The following PRG4 variants were observed in gnomAD, a reference collection of about 807,000 sequenced individuals.
The protein encoded by PRG4 is proteoglycan 4.
PRG4 carries 61 observed loss-of-function variants against 91.2 expected under a neutral mutation model. That is an observed-to-expected ratio of 0.67 (90% CI 0.54 to 0.83). The LOEUF (loss-of-function observed/expected upper bound fraction) is 0.83, where lower values mean the gene tolerates loss of function less well. Among genes scored for constraint, PRG4 ranks in the 40% least tolerant of loss-of-function variants. The pLI, the probability that PRG4 is intolerant of heterozygous loss-of-function variation, is 0.00. For synonymous variants in PRG4, 576 were observed against 614.2 expected, an observed-to-expected ratio of 0.94 and a Z score of 0.92; for missense variants, 1,564 against 1,714.2, an observed-to-expected ratio of 0.91 and a Z score of 1.55.
chr1:186,311,408 T>C (rs764704245), intron 9 of PRG4, 32 bp from the exon 10 acceptor site: 5 of 1,601,418 alleles, frequency 3.1e-6, no homozygotes, highest in Non-Finnish European at 3.4e-6. Flanking sequence ...TTCCCAAAGC[T>C]GATAACATAA....
At position 186,308,769 on chromosome 1, in the gene PRG4, C is replaced by A; in HGVS notation, c.3050C>A (p.Thr1017Lys). 2 of 1,613,828 alleles carry A rather than the reference C, an allele frequency of 1.2e-6. No homozygotes were observed. Among genetic ancestry groups the A allele is most frequent in the Non-Finnish European group, 8.5e-7 (1 of 1,179,980 alleles). Reference protein sequence around the residue: ...PKDRATNSKATTPKPQKPTKA... With the variant: ...PKDRATNSKAKTPKPQKPTKA... The stretch of plus-strand genomic sequence containing the variant: ...GACAGAGCTACTAATTCTAAAGCGA[C>A]AACTCCTAAACCTCAAAAGCCAACC... Residue 1017 changes from threonine (T) to lysine (K), a missense_variant, in exon 7 of 13, where the codon ACA (threonine) becomes AAA (lysine). This residue lies in a region of PRG4 where 1,079 missense variants were observed against 1,162.2 expected (regional missense o/e 0.93). Coordinates refer to ENST00000445192, the MANE Select transcript of PRG4 (RefSeq NM_005807.6).
In PRG4 at chr1:186,312,224, C is replaced by T; in HGVS notation, c.3843C>T (p.Cys1281=). The T allele has an allele frequency of 6.2e-7, 1 of 1,613,944 alleles. No homozygotes were observed. The highest frequency in any genetic ancestry group is 1.1e-5 in the South Asian group (1 of 91,074). The change falls in exon 11 of 13, where the codon TGC becomes TGT. Residue 1281 remains cysteine, a synonymous_variant. Coordinates refer to ENST00000445192, the MANE Select transcript of PRG4 (RefSeq NM_005807.6). The part of the protein sequence containing the change: ...YIYKQEPVQK[C]PGRRPALNYP... ...ATAAACAGGAACCTGTACAGAAGTG[C>T]CCTGGAAGAAGGCCTGCTCTAAATT... is the stretch of plus-strand genomic sequence containing the variant.
At chr1:186,297,108 G>T (rs1007540182) in intron 2 of PRG4, among the ~76,000 whole-genome samples, 157 bp downstream of exon 2, 2 of 152,154 alleles carry the variant, frequency 1.3e-5, no homozygotes, top group African/African-American at 4.8e-5. Flanking sequence ...TAGCCTGTTT[G>T]TAAGTGCTTT....
intron 4 of PRG4, among the ~76,000 whole-genome samples, chr1:186,302,399 AG>A (rs1264388387): frequency 2.6e-5 from 4 of 152,246 alleles, no homozygotes. Context: ...TTACAGAAAA[AG>A]ATTTTAAAAA....
rs541755542 is a variant in PRG4, at chr1:186,311,110, T to G, written c.3576T>G (p.Pro1192=). The change falls in exon 9 of 13, where the codon CCT becomes CCG. Residue 1192 remains proline (P), a synonymous_variant. Coordinates refer to ENST00000445192, the MANE Select transcript of PRG4 (RefSeq NM_005807.6). ...ARRITEVWGI[P]SPIDTVFTRC... ...GAATTACTGAAGTTTGGGGTATTCC[T>G]TCCCCCATTGATACTGTTTTTACTA... 6.2e-7 allele frequency: 1 copy of G among 1,612,966 alleles called. No homozygotes were observed. The highest frequency in any genetic ancestry group is 1.3e-5 in the African/African-American group (1 of 74,900).
Position 186,301,626 on chromosome 1 carries a change from C to T in PRG4, c.234C>T (p.Phe78=). The stretch of plus-strand genomic sequence containing the variant: ...GTAAAGGCCGCTGCTTTGAGTCCTT[C>T]GAGAGAGGGAGGGAGTGTGACTGCG... ...LSCKGRCFES[F]ERGRECDCDA... is the part of the protein sequence containing the mutation. Residue 78 remains phenylalanine (F), a synonymous_variant, in exon 4 of 13, where the codon TTC becomes TTT. Transcript: ENST00000445192. 5 of 1,613,882 alleles carry T rather than the reference C, an allele frequency of 3.1e-6. No individual in the cohort carries two copies. The highest frequency in any genetic ancestry group is 4.2e-6 in the Non-Finnish European group (5 of 1,179,868).
intron 9 of PRG4, 129 bp from the exon 10 acceptor site, chr1:186,311,311 A>G (rs976178124): frequency 2.1e-6 from 3 of 1,411,432 alleles, no homozygotes; most frequent in African/African-American, 1.4e-5. Context: ...CAACAGTTTG[A>G]TAACAGTAAT....
At chr1:186,306,263 A>T in intron 6 of PRG4, 55 bp from the exon 7 acceptor site, 1 of 1,364,874 alleles carries the variant, frequency 7.3e-7, no homozygotes, top group Non-Finnish European at 1.0e-6. Context: ...TCTTTATGTC[A>T]CTATTAAAGA....
At chr1:186,301,242 AGAG>A (rs1308889661) in intron 3 of PRG4, among the ~76,000 whole-genome samples, 1 of 152,214 alleles carries the variant, frequency 6.6e-6, no homozygotes, top group Non-Finnish European at 1.5e-5. Context: ...CAGTGTGTGA[AGAG>A]GAGAAGGATG....
intron 4 of PRG4, among the ~76,000 whole-genome samples, chr1:186,303,497 G>A (rs551444257): frequency 6.8e-6 from 1 of 147,832 alleles, no homozygotes; most frequent in East Asian, 2.0e-4. Flanking sequence ...TTCTCTTCTA[G>A]ACTGAGAAGC....
At chr1:186,299,791 CG>C (rs1221537883) in intron 2 of PRG4, among the ~76,000 whole-genome samples, 2 of 152,188 alleles carry the variant, frequency 1.3e-5, no homozygotes, top group Non-Finnish European at 2.9e-5. Context: ...AACCACAGAT[CG>C]GTAGTAGCTG....
Position 186,312,251 on chromosome 1 carries a change from T to A in PRG4, c.3870T>A (p.Tyr1290Ter). Residue 1290 changes from tyrosine to a stop codon, truncating the protein, a stop_gained, in exon 11 of 13, where the codon TAT (tyrosine) becomes TAA (stop). Coordinates refer to ENST00000445192, the MANE Select transcript of PRG4 (RefSeq NM_005807.6). LOFTEE classifies it high-confidence loss of function. Reference protein sequence around the residue: ...KCPGRRPALNYPVYGETTQVR... With the variant: ...KCPGRRPALN Reference sequence around the variant, plus strand: ...CTGGAAGAAGGCCTGCTCTAAATTATCCAGTGTATGGAGAAACGACACAGG... The same window carrying A: ...CTGGAAGAAGGCCTGCTCTAAATTAACCAGTGTATGGAGAAACGACACAGG... 26 of 1,614,068 alleles carry A rather than the reference T, an allele frequency of 1.6e-5. No homozygotes were observed. Among genetic ancestry groups the A allele is most frequent in the Non-Finnish European group, 2.2e-5 (26 of 1,179,958 alleles).
In PRG4 at chr1:186,312,408, A is replaced by G. The variant is rs532484203; in HGVS notation, c.3991+36A>G. On this transcript the variant is annotated intron_variant, in intron 11 of 12. Transcript: ENST00000445192. ...TATTGTGTTAAAAAAATCCTTAAAC[A>G]TAAGTAGATGTAATACAGTTTCTTA... The G allele has an allele frequency of 5.8e-6, 9 of 1,553,040 alleles. 1 individual carries two copies. The highest frequency in any genetic ancestry group is 2.3e-5 in the South Asian group (2 of 85,786).
rs1557958431 is a variant in PRG4 at position 186,308,792 on chromosome 1, A to T, written c.3073A>T (p.Thr1025Ser). Reference protein sequence around the residue: ...KATTPKPQKPTKAPKKPTSTK... With the variant: ...KATTPKPQKPSKAPKKPTSTK... Reference sequence around the variant, plus strand: ...GACAACTCCTAAACCTCAAAAGCCAACCAAAGCACCCAAAAAACCCACTTC... The same window carrying T: ...GACAACTCCTAAACCTCAAAAGCCATCCAAAGCACCCAAAAAACCCACTTC... Residue 1025 changes from threonine to serine, a missense_variant, in exon 7 of 13, where the codon ACC becomes TCC. By Grantham distance (58) the Thr-to-Ser change is moderately conservative. Coordinates refer to ENST00000445192, the MANE Select transcript of PRG4 (RefSeq NM_005807.6). The T allele has an allele frequency of 6.2e-7, 1 of 1,613,926 alleles. No homozygotes were observed. The highest frequency in any genetic ancestry group is 8.5e-7 in the Non-Finnish European group (1 of 1,180,014).
intron 7 of PRG4, among the ~76,000 whole-genome samples, chr1:186,309,570 T>C (rs552817283): frequency 6.6e-6 from 1 of 152,322 alleles, no homozygotes; most frequent in East Asian, 1.9e-4. Flanking sequence ...ACCTGGTCCA[T>C]TCCAATTCAT....
At chr1:186,310,347 C>T (rs1227315384) in intron 8 of PRG4, among the ~76,000 whole-genome samples, 1 of 152,154 alleles carries the variant, frequency 6.6e-6, no homozygotes, top group Non-Finnish European at 1.5e-5. Flanking sequence ...AGTCTTGAAA[C>T]ATATTTAGAT....
chr1:186,312,114 C>T (rs1326202257), intron 10 of PRG4, 61 bp from the exon 11 acceptor site: 1 of 1,486,478 alleles, frequency 6.7e-7, no homozygotes, highest in African/African-American at 1.4e-5. Flanking sequence ...TTGTTTTCCA[C>T]CTTTTCTGAG....
At chr1:186,300,492 C>A (rs1308321127) in intron 3 of PRG4, among the ~76,000 whole-genome samples, 1 of 152,126 alleles carries the variant, frequency 6.6e-6, no homozygotes, top group Non-Finnish European at 1.5e-5. Flanking sequence ...TTGTCTAGTT[C>A]CAAGTAAATG....
In PRG4 at chr1:186,314,283, G is replaced by A. The variant is rs1370202883; in HGVS notation, c.*505G>A. 5 of 442,292 alleles carry A rather than the reference G, an allele frequency of 1.1e-5. No homozygotes were observed. The highest frequency in any genetic ancestry group is 1.6e-5 in the Non-Finnish European group (4 of 252,078). 27.4% of individuals were successfully genotyped at this position (442,292 alleles called of 1,614,324 possible). A position where few individuals can be genotyped will look rare whatever the true frequency, so the allele number is the denominator to read the frequency against. On this transcript the variant is annotated 3_prime_UTR_variant, in exon 13 of 13. Coordinates refer to ENST00000445192, the MANE Select transcript of PRG4 (RefSeq NM_005807.6). ...TTACTAGCTAAAACATAATCACAAA[G>A]CTTTATCGTGTTGTATAAAAAAATT...
Sources: allele counts gnomAD v4.1 joint callset (sites outside exome capture counted in the v4.1 genomes callset), GRCh38; gene constraint gnomAD v4.1.1; regional missense constraint gnomAD v4.1.1; transcripts MANE v1.5; gene names NCBI Gene and HGNC (gene_info 2026-07-23, HGNC 2026-07-21).